Variants in VKORC1L1 observed in about 807,000 individuals in gnomAD.
The protein encoded by VKORC1L1 is vitamin K epoxide reductase complex subunit 1L1.
In VKORC1L1, 2 loss-of-function variants were observed where a neutral mutation model predicts 18.9. The ratio of observed to expected loss-of-function variants is 0.11; its 90% CI spans 0.04 to 0.33. VKORC1L1 has a LOEUF of 0.33. Among genes scored for constraint, VKORC1L1 ranks in the 10% least tolerant of loss-of-function variants. The pLI is 1.00. For missense variants in VKORC1L1, 123 were observed against 224.1 expected (o/e 0.55, Z 2.88); for synonymous variants, 96 against 100.0 (o/e 0.96, Z 0.24).
chr7:65,954,230 T>C lies in VKORC1L1; in HGVS notation c.461T>C (p.Ile154Thr). The change falls in exon 3 of 3, where the codon ATT becomes ACT. Residue 154 changes from isoleucine to threonine, a missense_variant. Ile to Thr is a moderately conservative substitution (Grantham distance 89, BLOSUM62 -1). Transcript: ENST00000360768. ...TACGTGCTGAACTTCCTTCTTCTCATTATCAACTACAAACGACTAGTTTAC... is the reference window on the plus strand; with the variant it reads ...TACGTGCTGAACTTCCTTCTTCTCACTATCAACTACAAACGACTAGTTTAC... The part of the protein sequence containing the change: ...VTYVLNFLLL[I>T]INYKRLVYLN... The C allele has an allele frequency of 6.2e-7, 1 of 1,614,152 alleles. No individual in the cohort carries two copies.
At position 65,955,811 on chromosome 7, in the gene VKORC1L1, G is replaced by T. The variant is rs1406339901; in HGVS notation, c.*1511G>T. 6.6e-6 allele frequency: 1 copy of T among 152,184 alleles called. No homozygotes were observed. The highest frequency in any genetic ancestry group is 1.5e-5 in the Non-Finnish European group (1 of 68,032). The allele number at this position is 152,184 out of a possible 1,614,324, so 9.4% of individuals were successfully genotyped here. A position where few individuals can be genotyped will look rare whatever the true frequency, so the allele number is the denominator to read the frequency against. On this transcript the variant is annotated 3_prime_UTR_variant, in exon 3 of 3. Coordinates refer to ENST00000360768, the MANE Select transcript of VKORC1L1 (RefSeq NM_173517.6). Reference sequence around the variant, plus strand: ...CTTCCAACCTGATTAATCATTTTATGTTGAAAATAGTCAATGAGACCAGTA... The same window carrying T: ...CTTCCAACCTGATTAATCATTTTATTTTGAAAATAGTCAATGAGACCAGTA...
intron 1 of VKORC1L1, among the ~76,000 whole-genome samples, chr7:65,933,721 CCT>C (rs1434809196): frequency 6.6e-6 from 1 of 152,054 alleles, no homozygotes; most frequent in Non-Finnish European, 1.5e-5. Context: ...TTTAGGTCAA[CCT>C]CTCTGTTTTG....
At chr7:65,891,216 G>A (rs1195673636) in intron 1 of VKORC1L1, among the ~76,000 whole-genome samples, 6 of 140,250 alleles carry the variant, frequency 4.3e-5, no homozygotes, top group Non-Finnish European at 1.5e-5. Flanking sequence ...TTTTCTTATT[G>A]ATTGTTTCTA....
intron 1 of VKORC1L1, among the ~76,000 whole-genome samples, chr7:65,913,668 G>C (rs1789539641): frequency 1.4e-5 from 2 of 143,488 alleles, no homozygotes; most frequent in African/African-American, 5.2e-5. Context: ...TGGAGGTTGT[G>C]GTGAGCCGAG....
At chr7:65,902,998 C>G (rs920386656) in intron 1 of VKORC1L1, among the ~76,000 whole-genome samples, 1 of 151,978 alleles carries the variant, frequency 6.6e-6, no homozygotes, top group African/African-American at 2.4e-5. Context: ...TACTGAGTAG[C>G]TGGGATTACA....
chr7:65,911,737 C>T (rs866082618), intron 1 of VKORC1L1, among the ~76,000 whole-genome samples: 1 of 152,264 alleles, frequency 6.6e-6, no homozygotes, highest in Middle Eastern at 3.4e-3. Context: ...CTGGCCTATA[C>T]AACTTTCTAA....
At chr7:65,873,629 G>T in intron 1 of VKORC1L1, 64 bp downstream of exon 1, 1 of 1,390,082 alleles carries the variant, frequency 7.2e-7, no homozygotes, top group South Asian at 1.4e-5. Context: ...TCTCGGGGTG[G>T]GGAGCGCGCG....
chr7:65,946,753 C>T (rs1005005675), intron 1 of VKORC1L1, among the ~76,000 whole-genome samples: 1 of 152,092 alleles, frequency 6.6e-6, no homozygotes, highest in African/African-American at 2.4e-5. Context: ...CGGCACGTAG[C>T]GTCAGTGCAC....
At chr7:65,943,741 G>A (rs979311216) in intron 1 of VKORC1L1, among the ~76,000 whole-genome samples, 1 of 152,128 alleles carries the variant, frequency 6.6e-6, no homozygotes, top group African/African-American at 2.4e-5. Context: ...GTTGCAGTGA[G>A]TCGAGATTGT....
intron 1 of VKORC1L1, among the ~76,000 whole-genome samples, chr7:65,899,604 C>G (rs1789275344): frequency 6.6e-6 from 1 of 152,110 alleles, no homozygotes; most frequent in South Asian, 2.1e-4. Flanking sequence ...GGGAGAAAGG[C>G]AGGCTCTAGG....
chr7:65,941,581 G>A (rs752218144), intron 1 of VKORC1L1, among the ~76,000 whole-genome samples: 5 of 151,594 alleles, frequency 3.3e-5, no homozygotes, highest in African/African-American at 9.7e-5. Flanking sequence ...GACCCCAGGA[G>A]AGTGGTTATT....
intron 1 of VKORC1L1, among the ~76,000 whole-genome samples, chr7:65,894,459 T>C (rs1253445115): frequency 2.0e-5 from 3 of 152,128 alleles, no homozygotes; most frequent in East Asian, 1.9e-4. Context: ...TAGAAATAAA[T>C]TGGGGCCGGG....
intron 1 of VKORC1L1, among the ~76,000 whole-genome samples, chr7:65,938,785 GGAAGCCTTGAAACAGC>G (rs1404658962): frequency 6.6e-6 from 1 of 152,206 alleles, no homozygotes; most frequent in Non-Finnish European, 1.5e-5. Context: ...GAACAGCTGT[GGAAGCCTTGAAACAGC>G]GAAGCCTTGA....
chr7:65,935,351 C>T (rs967824801), intron 1 of VKORC1L1, among the ~76,000 whole-genome samples: 3 of 151,830 alleles, frequency 2.0e-5, no homozygotes, highest in Non-Finnish European at 4.4e-5. Flanking sequence ...TGGTCTGTCA[C>T]CAGGCTGGAG....
chr7:65,886,839 G>GTTTTTTTTTT (rs56234924), intron 1 of VKORC1L1, among the ~76,000 whole-genome samples: 2 of 58,604 alleles, frequency 3.4e-5, no homozygotes, highest in Non-Finnish European at 3.3e-5. Context: ...GCCTGTCCGA[G>GTTTTTTTTTT]TTTTTTTTTT....
chr7:65,916,527 G>A (rs1789592066), intron 1 of VKORC1L1, among the ~76,000 whole-genome samples: 1 of 152,048 alleles, frequency 6.6e-6, no homozygotes, highest in Non-Finnish European at 1.5e-5. Context: ...ATTCTTTTAG[G>A]GGGAAATGGA....
At chr7:65,901,663 T>G (rs1180816958) in intron 1 of VKORC1L1, among the ~76,000 whole-genome samples, 1 of 151,768 alleles carries the variant, frequency 6.6e-6, no homozygotes, top group Admixed American at 6.6e-5. Flanking sequence ...GAGGACAAGA[T>G]GGGGGTTGGC....
At chr7:65,882,424 A>G (rs1180917646) in intron 1 of VKORC1L1, among the ~76,000 whole-genome samples, 1 of 151,950 alleles carries the variant, frequency 6.6e-6, no homozygotes, top group Non-Finnish European at 1.5e-5. Flanking sequence ...GCAAAAAAAA[A>G]AAAAAAGTGC....
chr7:65,890,691 G>C (rs566230602), intron 1 of VKORC1L1, among the ~76,000 whole-genome samples: 1 of 152,206 alleles, frequency 6.6e-6, no homozygotes, highest in Non-Finnish European at 1.5e-5. Flanking sequence ...CAAAGTGGTT[G>C]CACTAGTTTA....
Sources: allele counts gnomAD v4.1 joint callset (sites outside exome capture counted in the v4.1 genomes callset), GRCh38; gene constraint gnomAD v4.1.1; transcripts MANE v1.5; gene names NCBI Gene and HGNC (gene_info 2026-07-23, HGNC 2026-07-21).